Variants in PSMD14 observed in about 807,000 individuals in gnomAD.
PSMD14 encodes the protein ubiquitin C-terminal hydrolase PSMD14.
In PSMD14, 7 loss-of-function variants were observed where a neutral mutation model predicts 41.2. The observed-to-expected ratio is 0.17, with a 90% CI of 0.10 to 0.32. The LOEUF (loss-of-function observed/expected upper bound fraction) is 0.32, where lower values mean the gene tolerates loss of function less well. PSMD14 is among the 10% of genes least tolerant of loss of function. The probability of loss-of-function intolerance (pLI) is 1.00; values close to 1 mark genes in which losing one functional copy is unlikely to be tolerated. For synonymous variants in PSMD14, 114 were observed against 122.3 expected (o/e 0.93, Z 0.45); for missense variants, 139 against 375.6 (o/e 0.37, Z 5.21).
chr2:161,326,850 T>C (rs1178690701), intron 3 of PSMD14, among the ~76,000 whole-genome samples: 4 of 152,224 alleles, frequency 2.6e-5, no homozygotes, highest in Non-Finnish European at 5.9e-5. Flanking sequence ...AAATTACTTA[T>C]AATGCTTAAT....
intron 7 of PSMD14, 145 bp from the exon 8 acceptor site, chr2:161,385,319 G>T (rs1007560976): frequency 9.4e-6 from 4 of 423,292 alleles, no homozygotes; most frequent in Non-Finnish European, 1.2e-5. Flanking sequence ...GTCAGCAGGA[G>T]GTTCTTTTTT....
chr2:161,310,270 C>T (rs1422218769), intron 1 of PSMD14, among the ~76,000 whole-genome samples: 1 of 152,186 alleles, frequency 6.6e-6, no homozygotes, highest in Non-Finnish European at 1.5e-5. Flanking sequence ...GTATGAAAGT[C>T]AATAAATATT....
In PSMD14 at chr2:161,399,171, T is replaced by C. The variant is rs1683841580; in HGVS notation, c.771+3968T>C. 3.9e-5 allele frequency among the ~76,000 whole-genome samples: 6 copies of C among 152,202 alleles called. No homozygotes were observed. The South Asian group carries it at 1.2e-3, about 32-fold the overall frequency. ...AAAATGAAAAACATTTGTAAATAAA[T>C]TGGGACATAACCATGTTTCCAAATG... On this transcript the variant is annotated intron_variant, in intron 10 of 11. Coordinates refer to ENST00000409682, the MANE Select transcript of PSMD14 (RefSeq NM_005805.6).
chr2:161,408,574 TC>T (rs1683984776), intron 10 of PSMD14: 2 of 387,076 alleles, frequency 5.2e-6, no homozygotes, highest in Non-Finnish European at 9.7e-6. Context: ...TTGCAAATGG[TC>T]AACACAATCA....
At chr2:161,377,825 GTC>G (rs1042991520) in intron 7 of PSMD14, among the ~76,000 whole-genome samples, 2 of 151,756 alleles carry the variant, frequency 1.3e-5, no homozygotes, top group African/African-American at 4.8e-5. Flanking sequence ...TCTCTCTGTA[GTC>G]ATCTAATTAT....
chr2:161,344,528 T>C (rs920998246), intron 3 of PSMD14, among the ~76,000 whole-genome samples: 3 of 152,238 alleles, frequency 2.0e-5, no homozygotes, highest in African/African-American at 7.2e-5. Flanking sequence ...ATAATAAAAA[T>C]TACTTTTTTG....
intron 10 of PSMD14, among the ~76,000 whole-genome samples, chr2:161,398,282 C>T (rs900419789): frequency 2.6e-5 from 4 of 152,026 alleles, no homozygotes; most frequent in African/African-American, 9.7e-5. Context: ...ACCAATTCTT[C>T]ATAGTATTCT....
At chr2:161,380,079 T>C (rs1351373458) in intron 7 of PSMD14, among the ~76,000 whole-genome samples, 1 of 152,066 alleles carries the variant, frequency 6.6e-6, no homozygotes, top group African/African-American at 2.4e-5. Context: ...TTAGTAACAC[T>C]GAAAACTACA....
intron 8 of PSMD14, among the ~76,000 whole-genome samples, chr2:161,385,988 T>C (rs987419748): frequency 6.6e-6 from 1 of 151,766 alleles, no homozygotes; most frequent in African/African-American, 2.4e-5. Flanking sequence ...TAGAAGTAAT[T>C]CTTAAATATA....
At chr2:161,367,670 T>G in intron 4 of PSMD14, 114 bp from the exon 5 acceptor site, 1 of 1,346,482 alleles carries the variant, frequency 7.4e-7, no homozygotes. Flanking sequence ...TTTAGGTACA[T>G]TTATAAAAGG....
At chr2:161,341,060 C>T (rs1390103574) in intron 3 of PSMD14, 3 of 1,572,458 alleles carry the variant, frequency 1.9e-6, no homozygotes, top group Non-Finnish European at 2.6e-6. Context: ...CGGGCTCCCC[C>T]GGTCCCGCAG....
intron 3 of PSMD14, among the ~76,000 whole-genome samples, chr2:161,341,862 T>TAAA (rs138340137): frequency 7.4e-6 from 1 of 135,250 alleles, no homozygotes; most frequent in African/African-American, 2.7e-5. Flanking sequence ...AAATTAAAAT[T>TAAA]AAAAAAAATA....
At chr2:161,351,784 G>A (rs1038021912) in intron 3 of PSMD14, among the ~76,000 whole-genome samples, 9 of 152,146 alleles carry the variant, frequency 5.9e-5, no homozygotes, top group African/African-American at 1.9e-4. Flanking sequence ...CTGATACAGC[G>A]CTATCATTGA....
At chr2:161,369,061 G>T (rs1574132785) in intron 5 of PSMD14, among the ~76,000 whole-genome samples, 1 of 151,798 alleles carries the variant, frequency 6.6e-6, no homozygotes, top group African/African-American at 2.4e-5. Context: ...TTAAATCTTA[G>T]ACTATTTATT....
At chr2:161,368,766 C>A (rs576601925) in intron 5 of PSMD14, among the ~76,000 whole-genome samples, 1 of 151,796 alleles carries the variant, frequency 6.6e-6, no homozygotes, top group Non-Finnish European at 1.5e-5. Flanking sequence ...TAGTTCTATT[C>A]GAAGTTCTGT....
intron 3 of PSMD14, among the ~76,000 whole-genome samples, chr2:161,361,148 AC>A (rs1683284192): frequency 6.6e-6 from 1 of 152,246 alleles, no homozygotes; most frequent in South Asian, 2.1e-4. Flanking sequence ...TTTTAAAAAA[AC>A]ATGTAACTCT....
intron 10 of PSMD14, among the ~76,000 whole-genome samples, chr2:161,398,547 T>A (rs1469574746): frequency 4.6e-5 from 7 of 152,020 alleles, no homozygotes; most frequent in African/African-American, 7.2e-5. Flanking sequence ...TATTTTTTTT[T>A]AATTTTGATA....
intron 10 of PSMD14, among the ~76,000 whole-genome samples, chr2:161,403,325 A>G (rs1683906668): frequency 6.6e-6 from 1 of 152,186 alleles, no homozygotes; most frequent in African/African-American, 2.4e-5. Context: ...ATTTATATGA[A>G]AAAAACAGAC....
chr2:161,314,414 A>G (rs1278832978), intron 1 of PSMD14, among the ~76,000 whole-genome samples: 1 of 152,204 alleles, frequency 6.6e-6, no homozygotes, highest in Non-Finnish European at 1.5e-5. Flanking sequence ...TATAAAACTA[A>G]CCATTTTAAA....
Sources: gnomAD v4.1 joint callset for allele counts (sites outside exome capture counted in the v4.1 genomes callset) on GRCh38, gnomAD v4.1.1 for gene constraint, MANE v1.5 for transcripts, NCBI Gene and HGNC (gene_info 2026-07-23, HGNC 2026-07-21) for gene names.